CSMD3: variants seen among roughly 807,000 people sequenced by gnomAD.
CSMD3 encodes the protein CUB and sushi domain-containing protein 3.
In CSMD3, 177 loss-of-function variants were observed where a neutral mutation model predicts 435.2. The ratio of observed to expected loss-of-function variants is 0.41; its 90% confidence interval spans 0.36 to 0.46. The LOEUF is 0.46. CSMD3 is among the 20% of genes least tolerant of loss of function. The probability of loss-of-function intolerance (pLI) is 0.34; values close to 1 mark genes in which losing one functional copy is unlikely to be tolerated. For synonymous variants in CSMD3, 1,656 were observed against 1,520.5 expected, an observed-to-expected ratio of 1.09 and a Z score of -2.07; for missense variants, 4,265 against 4,504.6, an observed-to-expected ratio of 0.95 and a Z score of 1.52.
intron 11 of CSMD3, among the ~76,000 whole-genome samples, chr8:112,840,907 C>T (rs2080159963): frequency 6.6e-6 from 1 of 151,630 alleles, no homozygotes. Context: ...TCTTTACCAG[C>T]ACTGTTATAG....
intron 13 of CSMD3, among the ~76,000 whole-genome samples, chr8:112,752,303 C>G (rs2077588253): frequency 6.6e-6 from 1 of 152,104 alleles, no homozygotes; most frequent in Non-Finnish European, 1.5e-5. Flanking sequence ...AGCCCTTGGT[C>G]CTCTTTTTAT....
intron 27 of CSMD3, among the ~76,000 whole-genome samples, chr8:112,527,331 G>C (rs1185793033): frequency 1.3e-5 from 2 of 151,498 alleles, no homozygotes; most frequent in Admixed American, 1.3e-4. Context: ...CAGAGAAAAA[G>C]AGACAGATTT....
chr8:112,680,256 G>T (rs944712750), intron 16 of CSMD3, among the ~76,000 whole-genome samples: 1 of 152,160 alleles, frequency 6.6e-6, no homozygotes, highest in Non-Finnish European at 1.5e-5. Context: ...TACTCAGGAG[G>T]CTGAGGCACA....
chr8:113,359,716 C>T (rs941594006), intron 1 of CSMD3, among the ~76,000 whole-genome samples: 1 of 152,126 alleles, frequency 6.6e-6, no homozygotes, highest in Non-Finnish European at 1.5e-5. Flanking sequence ...AATTATTTGC[C>T]TTAACATTAA....
chr8:112,790,744 C>T (rs747376875), intron 13 of CSMD3, among the ~76,000 whole-genome samples: 1 of 152,096 alleles, frequency 6.6e-6, no homozygotes, highest in Non-Finnish European at 1.5e-5. Flanking sequence ...AGAATATTTT[C>T]TTCTCTTCTA....
chr8:112,466,914 T>C (rs1818013634), intron 32 of CSMD3, among the ~76,000 whole-genome samples: 2 of 152,158 alleles, frequency 1.3e-5, no homozygotes, highest in Non-Finnish European at 2.9e-5. Context: ...AATCTTATAA[T>C]GTGAGTAATA....
intron 5 of CSMD3, among the ~76,000 whole-genome samples, chr8:113,072,023 C>T (rs2089143128): frequency 6.6e-6 from 1 of 151,436 alleles, no homozygotes; most frequent in Non-Finnish European, 1.5e-5. Flanking sequence ...TATTTAACCT[C>T]CTTGGTTAAG....
intron 64 of CSMD3, among the ~76,000 whole-genome samples, chr8:112,245,951 G>C (rs1814685951): frequency 6.6e-6 from 1 of 152,108 alleles, no homozygotes; most frequent in Non-Finnish European, 1.5e-5. Flanking sequence ...CTATGTTATG[G>C]ACACATTAGA....
At chr8:112,243,206 A>C (rs1484545018) in intron 65 of CSMD3, among the ~76,000 whole-genome samples, 1 of 151,192 alleles carries the variant, frequency 6.6e-6, no homozygotes, top group African/African-American at 2.4e-5. Context: ...AAAGAATAAG[A>C]TCTTCTCATA....
chr8:112,463,468 TCTC>T (rs1817656406), intron 32 of CSMD3, among the ~76,000 whole-genome samples: 1 of 152,200 alleles, frequency 6.6e-6, no homozygotes, highest in Non-Finnish European at 1.5e-5. Flanking sequence ...AGGTCTTTCT[TCTC>T]TTGTTTTCTC....
chr8:112,283,548 A>G (rs554768825), intron 58 of CSMD3, among the ~76,000 whole-genome samples: 113 of 151,752 alleles, frequency 7.4e-4, no homozygotes, highest in African/African-American at 2.6e-3. Context: ...TGTGTTAGGT[A>G]TAGAGTATAC....
chr8:112,609,818 CAATATGGAATATTATTT>C (rs921623984), intron 22 of CSMD3, among the ~76,000 whole-genome samples: 1 of 151,962 alleles, frequency 6.6e-6, no homozygotes, highest in African/African-American at 2.4e-5. Context: ...GAATATTATT[CAATATGGAATATTATTT>C]AGCACTTAAA....
chr8:112,301,824 A>G lies in CSMD3; in HGVS notation c.8409T>C (p.Gly2803=). The G allele has an allele frequency of 6.2e-7, 1 of 1,613,884 alleles. No homozygotes were observed. Among genetic ancestry groups the G allele is most frequent in the Non-Finnish European group, 8.5e-7 (1 of 1,179,914 alleles). The change falls in exon 53 of 71, where the codon GGT becomes GGC. Residue 2803 remains glycine, a synonymous_variant. Transcript: ENST00000297405. ...ATCTGGTTTCAGATTCACTCCAAAG[A>G]CCTGAGGAAAGGCATTCCCTTACAG... ...GSAVRECLSS[G]LWSESETRCL...
At chr8:112,255,593 A>T (rs1257384910) in intron 61 of CSMD3, 166 bp from the exon 62 acceptor site, 2 of 634,896 alleles carry the variant, frequency 3.2e-6, no homozygotes, top group African/African-American at 3.7e-5. Flanking sequence ...TGTGCAGATA[A>T]ATACTGAATT....
At chr8:112,638,184 A>G (rs1403299238) in intron 21 of CSMD3, among the ~76,000 whole-genome samples, 5 of 122,590 alleles carry the variant, frequency 4.1e-5, no homozygotes, top group Admixed American at 1.7e-4. Context: ...ATAAATTACT[A>G]TTTATTAATT....
At chr8:112,947,719 C>G in intron 9 of CSMD3, 71 bp downstream of exon 9, 1 of 722,646 alleles carries the variant, frequency 1.4e-6, no homozygotes, top group East Asian at 2.7e-5. Flanking sequence ...ATATTATTAG[C>G]TACTTTAAAG....
intron 27 of CSMD3, among the ~76,000 whole-genome samples, chr8:112,534,974 T>A (rs1045799214): frequency 2.0e-5 from 3 of 152,074 alleles, no homozygotes; most frequent in African/African-American, 7.2e-5. Flanking sequence ...TTGACAAAAT[T>A]CAACAACCCT....
chr8:112,830,844 T>C (rs1259917833), intron 11 of CSMD3, among the ~76,000 whole-genome samples: 1 of 151,254 alleles, frequency 6.6e-6, no homozygotes, highest in East Asian at 1.9e-4. Context: ...TAGAGTGCAC[T>C]GGCGCGATCT....
chr8:113,063,970 T>A (rs1002787457), intron 5 of CSMD3, among the ~76,000 whole-genome samples: 1 of 151,498 alleles, frequency 6.6e-6, no homozygotes, highest in African/African-American at 2.4e-5. Context: ...AATAGTAAGG[T>A]CTAAGCAATG....
Sources: gnomAD v4.1 joint callset for allele counts (sites outside exome capture counted in the v4.1 genomes callset) on GRCh38, gnomAD v4.1.1 for gene constraint, MANE v1.5 for transcripts, NCBI Gene and HGNC (gene_info 2026-07-23, HGNC 2026-07-21) for gene names.